PCDHGA7: variants seen among roughly 807,000 people sequenced by gnomAD.
The protein encoded by PCDHGA7 is protocadherin gamma subfamily A, 7, also known as protocadherin gamma-A7.
In PCDHGA7, 44 loss-of-function variants were observed where a neutral mutation model predicts 58.3. The ratio of observed to expected loss-of-function variants is 0.75; its 90% confidence interval spans 0.59 to 0.97. The LOEUF is 0.97. Ranked by LOEUF, PCDHGA7 falls within the 50% of genes least tolerant of loss-of-function variation. The pLI is 0.00. For missense variants in PCDHGA7, 1,266 were observed against 1,188.7 expected (o/e 1.06, Z -0.96); for synonymous variants, 516 against 504.2 (o/e 1.02, Z -0.31).
intron 1 of PCDHGA7, chr5:141,478,874 A>G: frequency 1.6e-6 from 2 of 1,276,696 alleles, no homozygotes; most frequent in Non-Finnish European, 2.1e-6. Flanking sequence ...ATCAGAGTTT[A>G]GCTTGGTATC....
intron 1 of PCDHGA7, chr5:141,420,985 C>T (rs1371634966): frequency 4.1e-6 from 2 of 487,950 alleles, no homozygotes; most frequent in African/African-American, 4.0e-5. Flanking sequence ...GGGCTCTAGG[C>T]GCCGCTGCTC....
In PCDHGA7 at chr5:141,383,179, G is replaced by C; in HGVS notation, c.280G>C (p.Glu94Gln). The C allele has an allele frequency of 6.2e-7, 1 of 1,614,124 alleles. No individual in the cohort carries two copies. The highest frequency in any genetic ancestry group is 8.5e-7 in the Non-Finnish European group (1 of 1,179,962). The change falls in exon 1 of 4, where the codon GAG (glutamate) becomes CAG (glutamine). Residue 94 changes from glutamate to glutamine, a missense_variant. By Grantham distance (29) the Glu-to-Gln change is conservative. Coordinates refer to ENST00000518325, the MANE Select transcript of PCDHGA7 (RefSeq NM_018920.4). The part of the protein sequence containing the change: ...LVTAGRIDRE[E>Q]ICAQSARCLV... ...CACTGCGGGCAGGATAGACCGGGAA[G>C]AGATCTGCGCTCAGAGTGCGCGGTG...
At chr5:141,389,811 G>A in intron 1 of PCDHGA7, 1 of 1,613,822 alleles carries the variant, frequency 6.2e-7, no homozygotes, top group Non-Finnish European at 8.5e-7. Flanking sequence ...CCTTCTGGTC[G>A]CCGTGCGTGA....
At chr5:141,438,635 TACAC>T (rs56854727) in intron 1 of PCDHGA7, among the ~76,000 whole-genome samples, 720 of 33,094 alleles carry the variant, frequency 0.022, 7 homozygotes, top group Middle Eastern at 0.05. Context: ...TATATATATA[TACAC>T]ACACACACAC....
In PCDHGA7 at chr5:141,485,974, A is replaced by G. The variant is rs755735500; in HGVS notation, c.2425-8833A>G. 1.9e-6 allele frequency: 3 copies of G among 1,614,108 alleles called. No homozygotes were observed. The highest frequency in any genetic ancestry group is 1.7e-5 in the Admixed American group (1 of 60,014). On this transcript the variant is annotated intron_variant, in intron 1 of 3. Coordinates refer to ENST00000518325, the MANE Select transcript of PCDHGA7 (RefSeq NM_018920.4). This position sits in a 1 kb window ranked among gnomAD's most constrained non-coding sequence, Gnocchi z 5.7. ...TGGTGCTCATCCAGCTCAATGCCTC[A>G]GACCCGGACCTGGGTCCCAGTGGTA...
chr5:141,440,330 G>A (rs1377511406), intron 1 of PCDHGA7: 1 of 152,162 alleles, frequency 6.6e-6, no homozygotes, highest in Non-Finnish European at 1.5e-5. Context: ...ACTGGGCATG[G>A]TGGTGCAGGC....
chr5:141,493,908 G>A lies in PCDHGA7; in HGVS notation c.2425-899G>A, dbSNP rs1308946115. ...CTAGGAGTGCTCCATGAGAGTGTGT[G>A]ATGGGATAACACACCCCCTGGAAAG... On this transcript the variant is annotated intron_variant, in intron 1 of 3. Transcript: ENST00000518325. This position sits in a 1 kb window ranked among gnomAD's most constrained non-coding sequence, Gnocchi z 4.3. Among the ~76,000 whole-genome samples the A allele has an allele frequency of 6.6e-6, 1 of 152,208 alleles. No homozygotes were observed. The highest frequency in any genetic ancestry group is 1.5e-5 in the Non-Finnish European group (1 of 68,032).
chr5:141,471,843 T>C (rs1471729261), intron 1 of PCDHGA7, among the ~76,000 whole-genome samples: 2 of 152,166 alleles, frequency 1.3e-5, no homozygotes, highest in Admixed American at 6.5e-5. Context: ...TTTAATAAAA[T>C]ATTCAGAAAA....
chr5:141,461,667 G>C (rs1337688159), intron 1 of PCDHGA7, among the ~76,000 whole-genome samples: 4 of 151,994 alleles, frequency 2.6e-5, no homozygotes, highest in African/African-American at 9.7e-5. Context: ...TTTAAAGTTT[G>C]TTATTTTGTT....
chr5:141,392,089 A>G (rs1278879227), intron 1 of PCDHGA7: 2 of 152,236 alleles, frequency 1.3e-5, no homozygotes, highest in Non-Finnish European at 2.9e-5. Context: ...ATTTAGAAGA[A>G]TAATTTAAAA....
intron 1 of PCDHGA7, chr5:141,423,081 C>A: frequency 6.2e-7 from 1 of 1,614,084 alleles, no homozygotes; most frequent in South Asian, 1.1e-5. Context: ...CGGGACTCTT[C>A]GCGGTGGGGG....
At chr5:141,425,546 A>G (rs2096882460) in intron 1 of PCDHGA7, among the ~76,000 whole-genome samples, 1 of 152,202 alleles carries the variant, frequency 6.6e-6, no homozygotes, top group African/African-American at 2.4e-5. Flanking sequence ...CTTTTCAGAA[A>G]CCTCTTTTAT....
intron 1 of PCDHGA7, chr5:141,427,617 G>C (rs1295636754): frequency 1.4e-6 from 1 of 694,694 alleles, no homozygotes. Context: ...TGAAGTCAAC[G>C]ACAATGCTCC....
chr5:141,395,657 T>C (rs1400217115), intron 1 of PCDHGA7: 1 of 162,996 alleles, frequency 6.1e-6, no homozygotes, highest in African/African-American at 2.4e-5. Context: ...TTAGCAAAAG[T>C]AAAATATATC....
At position 141,454,796 on chromosome 5, in the gene PCDHGA7, A is replaced by ATT. The variant is rs61612330; in HGVS notation, c.2425-39983_2425-39982dup. On this transcript the variant is annotated intron_variant, in intron 1 of 3. Coordinates refer to ENST00000518325, the MANE Select transcript of PCDHGA7 (RefSeq NM_018920.4). Reference sequence around the variant, plus strand: ...AAGGAAATAATCCTCCATGGTTCTAATTTTTTTTTTTTTTTTTTTTTTTTT... The same window carrying ATT: ...AAGGAAATAATCCTCCATGGTTCTAATTTTTTTTTTTTTTTTTTTTTTTTTTT... 6.7e-3 allele frequency among the ~76,000 whole-genome samples: 521 copies of ATT among 77,456 alleles called. 71 individuals are homozygous for ATT. The highest frequency in any genetic ancestry group is 0.017 in the Middle Eastern group (2 of 120). The allele number at this position is 77,456 out of a possible 152,430, so 50.8% of individuals were successfully genotyped here.
At chr5:141,467,932 TA>T (rs1391978978) in intron 1 of PCDHGA7, among the ~76,000 whole-genome samples, 4 of 152,186 alleles carry the variant, frequency 2.6e-5, no homozygotes, top group Non-Finnish European at 4.4e-5. Flanking sequence ...ATGCTAGGAT[TA>T]CAAGCATGAG....
At chr5:141,413,432 G>A (rs1193674962) in intron 1 of PCDHGA7, 1 of 1,613,992 alleles carries the variant, frequency 6.2e-7, no homozygotes, top group African/African-American at 1.3e-5. Flanking sequence ...CCGCGCAGCG[G>A]CAGCTTGATC....
rs761853399 is a variant in PCDHGA7, at chr5:141,389,296, A to G, written c.2424+3973A>G. On this transcript the variant is annotated intron_variant, in intron 1 of 3. Transcript: ENST00000518325. ...AACCCGCCTGGAGCCTCTATTTCAC[A>G]AGTCAGGGCTTCTGATCCGGACTTG... is the stretch of plus-strand genomic sequence containing the variant. The G allele has an allele frequency of 3.7e-6, 6 of 1,613,988 alleles. No individual in the cohort carries two copies. The South Asian group carries it at 6.6e-5, about 18-fold the overall frequency.
At chr5:141,393,101 C>T (rs891971324) in intron 1 of PCDHGA7, 2 of 1,613,564 alleles carry the variant, frequency 1.2e-6, no homozygotes, top group Non-Finnish European at 1.7e-6. Flanking sequence ...AGGAGCTCTG[C>T]GCTCAGAGCC....
Sources: allele counts gnomAD v4.1 joint callset (sites outside exome capture counted in the v4.1 genomes callset), GRCh38; gene constraint gnomAD v4.1.1; non-coding constraint Gnocchi (gnomAD v3.1); transcripts MANE v1.5; gene names NCBI Gene and HGNC (gene_info 2026-07-23, HGNC 2026-07-21).